PTPRN2: variants seen among roughly 807,000 people sequenced by gnomAD.
The protein encoded by PTPRN2 is receptor-type tyrosine-protein phosphatase N2.
PTPRN2 carries 74 observed loss-of-function variants against 118.8 expected under a neutral mutation model. The ratio of observed to expected loss-of-function variants is 0.62; its 90% CI spans 0.52 to 0.76. PTPRN2 has a LOEUF of 0.76. Among genes scored for constraint, PTPRN2 ranks in the 30% least tolerant of loss-of-function variants. PTPRN2 has a pLI of 0.00. For synonymous variants in PTPRN2, 641 were observed against 608.0 expected (o/e 1.05, Z -0.80); for missense variants, 1,481 against 1,394.4 (o/e 1.06, Z -0.99).
intron 12 of PTPRN2, among the ~76,000 whole-genome samples, chr7:157,760,171 A>C (rs1431641005): frequency 1.3e-5 from 2 of 151,972 alleles, no homozygotes; most frequent in Non-Finnish European, 2.9e-5. Context: ...TCTCTAACAA[A>C]CATCCCCCAC....
chr7:157,752,865 ACC>A lies in PTPRN2; in HGVS notation c.1789-69930_1789-69929del, dbSNP rs557357400. Among the ~76,000 whole-genome samples the A allele has an allele frequency of 7.2e-5, 11 of 152,268 alleles. No homozygotes were observed. In the East Asian group the frequency reaches 1.9e-3, roughly 27 times the overall value. On this transcript the variant is annotated intron_variant, in intron 12 of 22. Transcript: ENST00000389418. Reference sequence around the variant, plus strand: ...AAGACAAGGAACAGCCGTGGGACAGACCCTCGCAGCAGCCACGCCGCCTTTCA... The same window carrying A: ...AAGACAAGGAACAGCCGTGGGACAGACTCGCAGCAGCCACGCCGCCTTTCA...
In PTPRN2 at chr7:158,003,486, G is replaced by A. The variant is rs1347497732; in HGVS notation, c.1723+77812C>T. On this transcript the variant is annotated intron_variant, in intron 11 of 22. Coordinates refer to ENST00000389418, the MANE Select transcript of PTPRN2 (RefSeq NM_002847.5). This position sits in a 1 kb window ranked among gnomAD's most constrained non-coding sequence, Gnocchi z 5.0. The stretch of plus-strand genomic sequence containing the variant: ...ATAGGACCTGTGTTCTTCAGGAAGA[G>A]GAAGAGACACACAGCCTGCATCTAC... Among the ~76,000 whole-genome samples, 2 of 151,982 alleles carry A rather than the reference G, an allele frequency of 1.3e-5. No individual in the cohort carries two copies. The highest frequency in any genetic ancestry group is 2.4e-5 in the African/African-American group (1 of 41,368).
intron 14 of PTPRN2, among the ~76,000 whole-genome samples, chr7:157,644,824 A>C (rs1353478734): frequency 2.6e-5 from 4 of 151,654 alleles, no homozygotes; most frequent in African/African-American, 4.8e-5. Flanking sequence ...AACAAAAAAC[A>C]AAAGAAAACA....
intron 9 of PTPRN2, among the ~76,000 whole-genome samples, chr7:158,126,629 C>T (rs1457491619): frequency 8.3e-6 from 1 of 120,044 alleles, no homozygotes. Context: ...CCCCGGAGAG[C>T]GGGCGGCGGA....
In PTPRN2 at chr7:158,305,211, T is replaced by A. The variant is rs375429756; in HGVS notation, c.277+11608A>T. Reference sequence around the variant, plus strand: ...GCCCTTGGCCAAGAGGAAGGGTCCATTCAGCTGGCTGGGGGACTTAGAATT... The same window carrying A: ...GCCCTTGGCCAAGAGGAAGGGTCCAATCAGCTGGCTGGGGGACTTAGAATT... On this transcript the variant is annotated intron_variant, in intron 3 of 22. Transcript: ENST00000389418. Among the ~76,000 whole-genome samples, 7 of 152,312 alleles carry A rather than the reference T, an allele frequency of 4.6e-5. 1 individual carries two copies. In the South Asian group the frequency reaches 1.4e-3, roughly 32 times the overall value.
chr7:158,421,007 G>C (rs184161072), intron 2 of PTPRN2, among the ~76,000 whole-genome samples: 172 of 152,256 alleles, frequency 1.1e-3, no homozygotes, highest in African/African-American at 3.8e-3. Context: ...TAACATCTTA[G>C]AAAGCACAAT....
At chr7:158,431,714 TACTGGCTCAC>T (rs914733236) in intron 2 of PTPRN2, among the ~76,000 whole-genome samples, 100 of 129,648 alleles carry the variant, frequency 7.7e-4, no homozygotes, top group Middle Eastern at 6.2e-3. Flanking sequence ...ACTGGGCACA[TACTGGCTCAC>T]ACTGGCTCAC....
At chr7:158,333,513 C>G (rs1294599410) in intron 2 of PTPRN2, among the ~76,000 whole-genome samples, 4 of 146,856 alleles carry the variant, frequency 2.7e-5, no homozygotes, top group African/African-American at 5.5e-5. Flanking sequence ...CACCCACACT[C>G]TCACCATAAG....
intron 2 of PTPRN2, among the ~76,000 whole-genome samples, chr7:158,333,187 C>T (rs1210997756): frequency 9.0e-6 from 1 of 111,306 alleles, no homozygotes; most frequent in Non-Finnish European, 1.8e-5. Flanking sequence ...CTCAAACCCA[C>T]ACTCTCACCA....
intron 3 of PTPRN2, among the ~76,000 whole-genome samples, chr7:158,225,768 A>G (rs1828720221): frequency 6.6e-6 from 1 of 152,104 alleles, no homozygotes. Context: ...AGATAAATAG[A>G]ATTCTAACAG....
chr7:157,990,243 G>A lies in PTPRN2; in HGVS notation c.1723+91055C>T, dbSNP rs997595738. Among the ~76,000 whole-genome samples, 2 of 152,182 alleles carry A rather than the reference G, an allele frequency of 1.3e-5. No individual in the cohort carries two copies. The highest frequency in any genetic ancestry group is 4.8e-5 in the African/African-American group (2 of 41,524). ...CGCCACCGGGGAAGACCGGGCACTC[G>A]TGGAGTTCAACAGATCATAAGCAGG... On this transcript the variant is annotated intron_variant, in intron 11 of 22. Coordinates refer to ENST00000389418, the MANE Select transcript of PTPRN2 (RefSeq NM_002847.5). This position sits in a 1 kb window ranked among gnomAD's most constrained non-coding sequence, Gnocchi z 4.3.
chr7:157,882,856 A>C (rs1381831218), intron 12 of PTPRN2, among the ~76,000 whole-genome samples: 1 of 151,538 alleles, frequency 6.6e-6, no homozygotes, highest in African/African-American at 2.4e-5. Context: ...TGCCACCCCC[A>C]AAATGGCTGT....
chr7:158,500,649 G>T (rs1163901219), intron 1 of PTPRN2, among the ~76,000 whole-genome samples: 1 of 152,194 alleles, frequency 6.6e-6, no homozygotes, highest in Admixed American at 6.5e-5. Flanking sequence ...TCCTGCAGAC[G>T]CTGCCAAACG....
At chr7:158,346,233 C>G (rs924140684) in intron 2 of PTPRN2, among the ~76,000 whole-genome samples, 4 of 152,204 alleles carry the variant, frequency 2.6e-5, no homozygotes, top group African/African-American at 7.2e-5. Context: ...TCACACTGTA[C>G]AATCGAACTC....
In PTPRN2 at chr7:158,529,920, C is replaced by T. The variant is rs1825093439; in HGVS notation, c.113-40135G>A. Among the ~76,000 whole-genome samples, 1 of 152,022 alleles carries T rather than the reference C, an allele frequency of 6.6e-6. No individual in the cohort carries two copies. Among genetic ancestry groups the T allele is most frequent in the Non-Finnish European group, 1.5e-5 (1 of 67,990 alleles). ...GCCACACACAGCACACATATGCACG[C>T]TACCACACACATGCACACATGTATC... On this transcript the variant is annotated intron_variant, in intron 1 of 22. Transcript: ENST00000389418. The surrounding 1 kb of genome is among the most constrained non-coding windows in gnomAD (Gnocchi z 4.7).
chr7:157,843,901 G>A (rs1285589321), intron 12 of PTPRN2, among the ~76,000 whole-genome samples: 1 of 152,208 alleles, frequency 6.6e-6, no homozygotes, highest in Non-Finnish European at 1.5e-5. Flanking sequence ...GGAGCAAACA[G>A]GGCTCCACAT....
chr7:158,505,176 T>G (rs966025057), intron 1 of PTPRN2, among the ~76,000 whole-genome samples: 6 of 152,160 alleles, frequency 3.9e-5, no homozygotes, highest in African/African-American at 1.4e-4. Flanking sequence ...ACTATATCAC[T>G]GAGGCATAAG....
At chr7:157,656,676 G>A in intron 13 of PTPRN2, 125 bp from the exon 14 acceptor site, 1 of 1,036,798 alleles carries the variant, frequency 9.6e-7, no homozygotes. Context: ...AGGCAGGCGA[G>A]AGTTTACCCC....
chr7:157,777,440 C>T (rs112006425), intron 12 of PTPRN2, among the ~76,000 whole-genome samples: 18 of 136,438 alleles, frequency 1.3e-4, no homozygotes, highest in South Asian at 8.8e-4. Flanking sequence ...TTCTTGATGC[C>T]GGAGGACACG....
Sources: allele counts gnomAD v4.1 joint callset (sites outside exome capture counted in the v4.1 genomes callset), GRCh38; gene constraint gnomAD v4.1.1; non-coding constraint Gnocchi (gnomAD v3.1); transcripts MANE v1.5; gene names NCBI Gene and HGNC (gene_info 2026-07-23, HGNC 2026-07-21).